DAB1: variants seen among roughly 807,000 people sequenced by gnomAD.
The protein encoded by DAB1 is DAB adaptor protein 1.
In DAB1, 15 loss-of-function variants were observed where a neutral mutation model predicts 64.6. That is an observed-to-expected ratio of 0.23 (90% CI 0.16 to 0.36). The LOEUF (loss-of-function observed/expected upper bound fraction) is 0.36. Ranked by LOEUF, DAB1 falls within the 10% of genes least tolerant of loss-of-function variation. The pLI, the probability that DAB1 is intolerant of heterozygous loss-of-function variation, is 1.00. For missense variants in DAB1, 596 were observed against 706.7 expected, an observed-to-expected ratio of 0.84 and a Z score of 1.78; for synonymous variants, 235 against 251.9, an observed-to-expected ratio of 0.93 and a Z score of 0.64.
intron 1 of DAB1, among the ~76,000 whole-genome samples, chr1:57,322,608 C>T (rs1675812081): frequency 6.6e-6 from 1 of 152,068 alleles, no homozygotes; most frequent in South Asian, 2.1e-4. Flanking sequence ...AATGTCATTG[C>T]CAAAATCATC....
At chr1:57,946,894 C>T (rs769165844) in intron 5 of DAB1, among the ~76,000 whole-genome samples, 2 of 152,174 alleles carry the variant, frequency 1.3e-5, no homozygotes, top group Non-Finnish European at 2.9e-5. Flanking sequence ...CATGCCTAGC[C>T]GTGTTCAGCA....
chr1:57,824,877 A>T (rs1652276259), downstream of DAB1, among the ~76,000 whole-genome samples: 1 of 152,184 alleles, frequency 6.6e-6, no homozygotes, highest in Non-Finnish European at 1.5e-5. Flanking sequence ...TGGGAGAAAG[A>T]GCTGACAGGT....
intron 5 of DAB1, among the ~76,000 whole-genome samples, chr1:57,932,862 A>G (rs1644972965): frequency 6.6e-6 from 1 of 152,198 alleles, no homozygotes; most frequent in Admixed American, 6.5e-5. Context: ...TAGACAAAAT[A>G]TAGTTGGGGA....
At chr1:58,524,698 T>C (rs1243338074) in intron 2 of DAB1, among the ~76,000 whole-genome samples, 1 of 152,196 alleles carries the variant, frequency 6.6e-6, no homozygotes, top group Non-Finnish European at 1.5e-5. Context: ...CTACAGTATA[T>C]ATCAAGCAAC....
intron 4 of DAB1, among the ~76,000 whole-genome samples, chr1:58,168,314 CCAA>C (rs1292228322): frequency 6.6e-6 from 1 of 152,066 alleles, no homozygotes; most frequent in Non-Finnish European, 1.5e-5. Context: ...CTCTGGGGTC[CCAA>C]CAACAAGCTG....
intron 5 of DAB1, among the ~76,000 whole-genome samples, chr1:57,965,656 C>T (rs969797674): frequency 6.6e-6 from 1 of 151,976 alleles, no homozygotes; most frequent in African/African-American, 2.4e-5. Flanking sequence ...GTTTGGAAGC[C>T]CCTTCATCTC....
intron 5 of DAB1, among the ~76,000 whole-genome samples, chr1:57,972,301 A>G (rs1195029703): frequency 6.6e-6 from 1 of 152,172 alleles, no homozygotes; most frequent in Admixed American, 6.5e-5. Context: ...TAGTTGTACA[A>G]TCATAGCTCA....
chr1:57,689,722 G>A (rs538205192), intron 6 of DAB1, among the ~76,000 whole-genome samples: 233 of 152,272 alleles, frequency 1.5e-3, no homozygotes, highest in South Asian at 7.5e-3. Flanking sequence ...AGGGAAAATT[G>A]AGTACCCATC....
chr1:58,144,796 T>C (rs1465354901), intron 5 of DAB1, among the ~76,000 whole-genome samples: 5 of 152,150 alleles, frequency 3.3e-5, no homozygotes, highest in Admixed American at 3.3e-4. Flanking sequence ...ATTGCCCAGG[T>C]CAGAGTTGTG....
intron 5 of DAB1, among the ~76,000 whole-genome samples, chr1:58,136,247 G>A (rs1653936759): frequency 1.3e-5 from 2 of 152,184 alleles, no homozygotes; most frequent in Admixed American, 1.3e-4. Context: ...ACTGCTGGTA[G>A]TGGAGGGGCC....
chr1:57,578,735 G>A (rs909351766), intron 7 of DAB1, among the ~76,000 whole-genome samples: 4 of 152,216 alleles, frequency 2.6e-5, no homozygotes, highest in Non-Finnish European at 4.4e-5. Flanking sequence ...ACTACTTAAT[G>A]TATTAATTTA....
intron 4 of DAB1, among the ~76,000 whole-genome samples, chr1:57,075,899 G>T (rs1359338046): frequency 6.6e-6 from 1 of 152,180 alleles, no homozygotes; most frequent in African/African-American, 2.4e-5. Context: ...CCCTTGATAA[G>T]CTGGGATGAG....
At chr1:57,994,733 A>G (rs1188517734) in intron 5 of DAB1, among the ~76,000 whole-genome samples, 1 of 152,120 alleles carries the variant, frequency 6.6e-6, no homozygotes, top group Non-Finnish European at 1.5e-5. Flanking sequence ...TAGCGGACTG[A>G]CTGGTTTGAT....
At chr1:57,089,947 A>C (rs1290449283) in intron 4 of DAB1, among the ~76,000 whole-genome samples, 1 of 152,186 alleles carries the variant, frequency 6.6e-6, no homozygotes, top group Non-Finnish European at 1.5e-5. Flanking sequence ...GAGGCAGATA[A>C]GAATGTGACT....
intron 1 of DAB1, among the ~76,000 whole-genome samples, chr1:57,382,316 A>C (rs566951433): frequency 6.6e-6 from 1 of 152,298 alleles, no homozygotes; most frequent in Admixed American, 6.5e-5. Flanking sequence ...TGCTTGAGTC[A>C]GTTTCCTCTT....
At chr1:58,288,067 G>C (rs1000247548) in intron 4 of DAB1, among the ~76,000 whole-genome samples, 1 of 146,570 alleles carries the variant, frequency 6.8e-6, no homozygotes, top group Non-Finnish European at 1.5e-5. Flanking sequence ...GCAGCAAAGA[G>C]TTTGCTTCCA....
intron 1 of DAB1, among the ~76,000 whole-genome samples, chr1:57,401,127 G>T (rs952076987): frequency 6.6e-6 from 1 of 152,066 alleles, no homozygotes; most frequent in Non-Finnish European, 1.5e-5. Flanking sequence ...TTATGTGCAT[G>T]AAATGATTTA....
intron 7 of DAB1, among the ~76,000 whole-genome samples, chr1:57,488,389 C>T (rs1276235665): frequency 2.5e-5 from 3 of 120,468 alleles, no homozygotes; most frequent in Non-Finnish European, 3.3e-5. Context: ...GCGACAGAGC[C>T]AGATTCCGTC....
rs185996152 is a variant in DAB1, at chr1:57,167,748, C to T, written c.68-22319G>A. On this transcript the variant is annotated intron_variant, in intron 2 of 14. Coordinates refer to ENST00000371236, the MANE Select transcript of DAB1 (RefSeq NM_001365792.1). ...TGCCACCTCCCCTGTGTAGCCTTAC[C>T]CTGCCAAGTTAAAGTGTAGTCACCG... 1.1e-3 allele frequency among the ~76,000 whole-genome samples: 166 copies of T among 152,302 alleles called. 1 individual carries two copies. The highest frequency in any genetic ancestry group is 8.4e-3 in the Admixed American group (128 of 15,306).
Sources: allele counts gnomAD v4.1 joint callset (sites outside exome capture counted in the v4.1 genomes callset), GRCh38; gene constraint gnomAD v4.1.1; transcripts MANE v1.5; gene names NCBI Gene and HGNC (gene_info 2026-07-23, HGNC 2026-07-21).